KDM5A: variants seen among roughly 807,000 people sequenced by gnomAD.
KDM5A encodes the protein lysine demethylase 5A.
KDM5A carries 42 observed loss-of-function variants against 193.5 expected under a neutral mutation model. The observed-to-expected ratio is 0.22, with a 90% confidence interval of 0.17 to 0.28. The LOEUF (loss-of-function observed/expected upper bound fraction) is 0.28. KDM5A is among the 10% of genes least tolerant of loss of function. The pLI, the probability that KDM5A is intolerant of heterozygous loss-of-function variation, is 1.00. For missense variants in KDM5A, 1,692 were observed against 2,055.1 expected (o/e 0.82, Z 3.42); for synonymous variants, 796 against 718.1 (o/e 1.11, Z -1.73).
At position 323,210 on chromosome 12, in the gene KDM5A, CAAAAAAAAAAAAA is replaced by C. The variant is rs60377454; in HGVS notation, c.2151-17_2151-5del. The C allele has an allele frequency of 1.5e-3, 447 of 297,072 alleles. No individual in the cohort carries two copies. The highest frequency in any genetic ancestry group is 5.5e-3 in the East Asian group (67 of 12,172). The allele number at this position is 297,072 out of a possible 1,614,324, so 18.4% of individuals were successfully genotyped here. A position where few individuals can be genotyped will look rare whatever the true frequency, so the allele number is the denominator to read the frequency against. On this transcript the variant is annotated splice_polypyrimidine_tract_variant and splice_region_variant and intron_variant, in intron 15 of 27. Transcript: ENST00000399788. ...GTCTTCTAATGGGTAGCGATATCTA[CAAAAAAAAAAAAA>C]AAAAAAAAAAAAAAAAGAAAACAGA... is the stretch of plus-strand genomic sequence containing the variant.
intron 14 of KDM5A, 91 bp from the exon 15 acceptor site, chr12:323,872 T>C: frequency 1.0e-6 from 1 of 989,414 alleles, no homozygotes; most frequent in Non-Finnish European, 1.6e-6. Context: ...TATAGACAAA[T>C]CTCTGACTTA....
rs750873073 is a variant in KDM5A, at chr12:326,023, A to G, written c.1969-2242T>C. ...AGTGAGATTCCATCTCAAAAAAATA[A>G]AAAGGAAACGTATGAGTCAAGATCA... On this transcript the variant is annotated intron_variant, in intron 14 of 27. Coordinates refer to ENST00000399788, the MANE Select transcript of KDM5A (RefSeq NM_001042603.3). 1.8e-4 allele frequency among the ~76,000 whole-genome samples: 28 copies of G among 152,212 alleles called. 1 individual carries two copies. The highest frequency in any genetic ancestry group is 4.1e-4 in the Non-Finnish European group (28 of 68,044).
At chr12:326,934 G>A (rs1200614477) in intron 14 of KDM5A, among the ~76,000 whole-genome samples, 31 of 150,620 alleles carry the variant, frequency 2.1e-4, no homozygotes, top group Admixed American at 2.0e-3. Context: ...TGTCACTGGT[G>A]AACTTTGAGA....
chr12:288,108 T>C (rs1241514429), intron 27 of KDM5A, among the ~76,000 whole-genome samples: 1 of 152,218 alleles, frequency 6.6e-6, no homozygotes, highest in African/African-American at 2.4e-5. Context: ...ATATCTTTTT[T>C]ATCATGTTCA....
rs1943520877 is a variant in KDM5A, at chr12:307,396, C to T, written c.3930+58G>A. 4 of 1,531,618 alleles carry T rather than the reference C, an allele frequency of 2.6e-6. No individual in the cohort carries two copies. Among genetic ancestry groups the T allele is most frequent in the Non-Finnish European group, 3.6e-6 (4 of 1,107,200 alleles). The allele number at this position is 1,531,618 out of a possible 1,614,324, so 94.9% of individuals were successfully genotyped here. ...CAATTGGTAAGACAGACTCAATTTACTATTTATACACTGACATATCCCATG... is the reference window on the plus strand; with the variant it reads ...CAATTGGTAAGACAGACTCAATTTATTATTTATACACTGACATATCCCATG... On this transcript the variant is annotated intron_variant, in intron 23 of 27. Transcript: ENST00000399788. This position sits in a 1 kb window ranked among gnomAD's most constrained non-coding sequence, Gnocchi z 4.3.
At chr12:306,410 T>C (rs984424360) in intron 24 of KDM5A, among the ~76,000 whole-genome samples, 1 of 152,176 alleles carries the variant, frequency 6.6e-6, no homozygotes, top group African/African-American at 2.4e-5. Context: ...GATTATAAGA[T>C]GAGTAAAACA....
chr12:383,459 C>T (rs1200248852), intron 3 of KDM5A, among the ~76,000 whole-genome samples: 3 of 152,024 alleles, frequency 2.0e-5, no homozygotes, highest in Non-Finnish European at 4.4e-5. Flanking sequence ...TCAAGTGATC[C>T]TCCCACCTCA....
rs1007114715 is a variant in KDM5A at position 284,999 on chromosome 12, G to A, written c.*457C>T. ...ATTAAGTACCAGGTAACAGTGGAAG[G>A]AAAGTGGTACTCCAATCCCTCTCCA... is the stretch of plus-strand genomic sequence containing the variant. On this transcript the variant is annotated 3_prime_UTR_variant, in exon 28 of 28. Transcript: ENST00000399788. 4 of 262,202 alleles carry A rather than the reference G, an allele frequency of 1.5e-5. No individual in the cohort carries two copies. The highest frequency in any genetic ancestry group is 2.2e-5 in the Non-Finnish European group (3 of 134,292). The allele number at this position is 262,202 out of a possible 1,614,324, so 16.2% of individuals were successfully genotyped here. A position where few individuals can be genotyped will look rare whatever the true frequency, so the allele number is the denominator to read the frequency against.
intron 27 of KDM5A, among the ~76,000 whole-genome samples, chr12:290,909 A>C (rs1943284869): frequency 6.6e-6 from 1 of 152,180 alleles, no homozygotes; most frequent in Non-Finnish European, 1.5e-5. Flanking sequence ...AAAGTTTAAA[A>C]AGGAAACATC....
chr12:347,466 G>A (rs1944093453), intron 10 of KDM5A, among the ~76,000 whole-genome samples: 1 of 152,088 alleles, frequency 6.6e-6, no homozygotes, highest in African/African-American at 2.4e-5. Context: ...ATAATCCTAA[G>A]CAAAAAGAAC....
intron 12 of KDM5A, among the ~76,000 whole-genome samples, chr12:332,400 T>G (rs1943877013): frequency 6.6e-6 from 1 of 152,328 alleles, no homozygotes; most frequent in African/African-American, 2.4e-5. Flanking sequence ...CACTTTGTTT[T>G]ACAATAATAC....
chr12:354,250 T>A lies in KDM5A; in HGVS notation c.871-16A>T, dbSNP rs1252592805. 5.2e-6 allele frequency: 8 copies of A among 1,535,984 alleles called. No homozygotes were observed. The highest frequency in any genetic ancestry group is 5.1e-5 in the Admixed American group (3 of 59,358). On this transcript the variant is annotated splice_polypyrimidine_tract_variant and intron_variant, in intron 7 of 27. Coordinates refer to ENST00000399788, the MANE Select transcript of KDM5A (RefSeq NM_001042603.3). ...AGAGATCAACCTGTTAAAAAAAAAATAAATGAAAGTCTATTTTCTATAATA... is the reference window on the plus strand; with the variant it reads ...AGAGATCAACCTGTTAAAAAAAAAAAAAATGAAAGTCTATTTTCTATAATA...
chr12:331,510 GA>G (rs1296025830), intron 13 of KDM5A, among the ~76,000 whole-genome samples: 1 of 152,130 alleles, frequency 6.6e-6, no homozygotes, highest in Non-Finnish European at 1.5e-5. Flanking sequence ...GAAAGCAAAG[GA>G]GAGAAGGAAA....
intron 24 of KDM5A, among the ~76,000 whole-genome samples, chr12:302,933 C>T (rs184326891): frequency 1.4e-3 from 219 of 152,314 alleles, no homozygotes; most frequent in Middle Eastern, 6.8e-3. Flanking sequence ...TCATCACTGT[C>T]GCTAGAGAAT....
intron 19 of KDM5A, among the ~76,000 whole-genome samples, chr12:315,376 C>G (rs1943639965): frequency 6.6e-6 from 1 of 152,140 alleles, no homozygotes; most frequent in Non-Finnish European, 1.5e-5. Context: ...GAGCTCAAGA[C>G]AAGGCTGGCC....
At position 312,105 on chromosome 12, in the gene KDM5A, T is replaced by C. The variant is rs572753318; in HGVS notation, c.3036+951A>G. Among the ~76,000 whole-genome samples the C allele has an allele frequency of 2.0e-5, 3 of 152,338 alleles. No individual in the cohort carries two copies. In the South Asian group the frequency reaches 6.2e-4, roughly 32 times the overall value. ...CAGTGTAGTGGAAGTTGGTTTTCTT[T>C]TTGAGTACAGTTCTATAATTAAGAG... On this transcript the variant is annotated intron_variant, in intron 20 of 27. Coordinates refer to ENST00000399788, the MANE Select transcript of KDM5A (RefSeq NM_001042603.3).
At chr12:329,405 A>G (rs112381711) in intron 13 of KDM5A, among the ~76,000 whole-genome samples, 100 of 152,208 alleles carry the variant, frequency 6.6e-4, no homozygotes, top group African/African-American at 2.3e-3. Flanking sequence ...AAATAATTAA[A>G]TAAGTTCAGG....
chr12:298,079 G>A (rs1444865035), intron 24 of KDM5A, among the ~76,000 whole-genome samples: 1 of 152,200 alleles, frequency 6.6e-6, no homozygotes, highest in Admixed American at 6.5e-5. Context: ...CAGCTCCCTG[G>A]GACAGAGCAC....
intron 24 of KDM5A, among the ~76,000 whole-genome samples, chr12:304,407 T>C (rs1049555362): frequency 2.7e-5 from 4 of 149,938 alleles, no homozygotes; most frequent in Non-Finnish European, 4.4e-5. Flanking sequence ...CATTATACAA[T>C]TATCGCTTGC....
Sources: allele counts gnomAD v4.1 joint callset (sites outside exome capture counted in the v4.1 genomes callset), GRCh38; gene constraint gnomAD v4.1.1; non-coding constraint Gnocchi (gnomAD v3.1); transcripts MANE v1.5; gene names NCBI Gene and HGNC (gene_info 2026-07-23, HGNC 2026-07-21).